PTPRK: variants seen among roughly 807,000 people sequenced by gnomAD.
The protein encoded by PTPRK is protein tyrosine phosphatase receptor type K.
A neutral mutation model predicts 178.0 loss-of-function variants in PTPRK; 75 were observed. The ratio of observed to expected loss-of-function variants is 0.42; its 90% CI spans 0.35 to 0.51. The LOEUF (loss-of-function observed/expected upper bound fraction) is 0.51. PTPRK is among the 20% of genes least tolerant of loss of function. The pLI, the probability that PTPRK is intolerant of heterozygous loss-of-function variation, is 0.02. For synonymous variants in PTPRK, 637 were observed against 620.6 expected (o/e 1.03, Z -0.39); for missense variants, 1,441 against 1,797.8 (o/e 0.80, Z 3.59).
intron 13 of PTPRK, among the ~76,000 whole-genome samples, chr6:128,061,161 A>G (rs1780733980): frequency 6.6e-6 from 1 of 152,150 alleles, no homozygotes; most frequent in South Asian, 2.1e-4. Flanking sequence ...TATGATACTA[A>G]CATGTAACAA....
chr6:128,307,403 A>G (rs1826570902), intron 3 of PTPRK, among the ~76,000 whole-genome samples: 1 of 150,952 alleles, frequency 6.6e-6, no homozygotes, highest in African/African-American at 2.4e-5. Flanking sequence ...ATAGAATTAA[A>G]TAACCTCAGT....
intron 6 of PTPRK, among the ~76,000 whole-genome samples, chr6:128,198,827 C>T (rs1212693564): frequency 6.6e-6 from 1 of 152,190 alleles, no homozygotes. Context: ...TCTTCACTTA[C>T]TGACTTTCTT....
intron 1 of PTPRK, among the ~76,000 whole-genome samples, chr6:128,471,962 A>C (rs1484472559): frequency 6.6e-6 from 1 of 152,096 alleles, no homozygotes; most frequent in Admixed American, 6.6e-5. Context: ...GAAAATAAGA[A>C]GACTGAAAAA....
At chr6:128,469,623 G>A (rs930141744) in intron 1 of PTPRK, among the ~76,000 whole-genome samples, 4 of 152,152 alleles carry the variant, frequency 2.6e-5, no homozygotes, top group African/African-American at 9.6e-5. Context: ...GTGGTAGGCT[G>A]AATAATGCGC....
chr6:128,391,336 C>G (rs1167205277), intron 2 of PTPRK, among the ~76,000 whole-genome samples: 1 of 152,112 alleles, frequency 6.6e-6, no homozygotes, highest in African/African-American at 2.4e-5. Flanking sequence ...CTTAGGACAA[C>G]TGCACATGTT....
intron 7 of PTPRK, among the ~76,000 whole-genome samples, chr6:128,092,878 A>G (rs1787224966): frequency 6.6e-6 from 1 of 152,214 alleles, no homozygotes; most frequent in South Asian, 2.1e-4. Context: ...ATTTAAAATC[A>G]AAATAATTAC....
At chr6:128,428,588 G>T (rs1844456618) in intron 1 of PTPRK, among the ~76,000 whole-genome samples, 1 of 152,198 alleles carries the variant, frequency 6.6e-6, no homozygotes, top group Non-Finnish European at 1.5e-5. Context: ...TCAATGTGAA[G>T]ATCTGTGGTA....
intron 6 of PTPRK, among the ~76,000 whole-genome samples, chr6:128,185,361 T>C (rs1052549643): frequency 6.6e-6 from 1 of 152,164 alleles, no homozygotes; most frequent in African/African-American, 2.4e-5. Flanking sequence ...TATAATTTAA[T>C]TTTGGATATC....
At chr6:128,334,448 A>C (rs1027894353) in intron 2 of PTPRK, among the ~76,000 whole-genome samples, 1 of 152,186 alleles carries the variant, frequency 6.6e-6, no homozygotes, top group African/African-American at 2.4e-5. Context: ...TAGTACAAGA[A>C]GTACATGAAG....
chr6:128,322,678 A>ATATATATATATATATATATATATATATG (rs1562282569), intron 2 of PTPRK, among the ~76,000 whole-genome samples: 3 of 151,452 alleles, frequency 2.0e-5, no homozygotes, highest in African/African-American at 7.3e-5. Flanking sequence ...ATATATATAT[A>ATATATATATATATATATATATATATATG]TATGTATACA....
intron 3 of PTPRK, among the ~76,000 whole-genome samples, chr6:128,255,524 T>C (rs987837836): frequency 7.9e-5 from 12 of 152,182 alleles, no homozygotes; most frequent in African/African-American, 2.9e-4. Context: ...CTCAAATGAT[T>C]TTAGATGTTG....
Position 128,020,657 on chromosome 6 carries a change from A to G in PTPRK, c.2195-11389T>C, listed in dbSNP as rs932166032. On this transcript the variant is annotated intron_variant, in intron 13 of 29. Coordinates refer to ENST00000368226, the MANE Select transcript of PTPRK (RefSeq NM_002844.4). ...GAACAAAATCACATTTGAATATTAGAGAAAGAAATAGAAAACAAATAAAAC... is the reference window on the plus strand; with the variant it reads ...GAACAAAATCACATTTGAATATTAGGGAAAGAAATAGAAAACAAATAAAAC... 2.0e-5 allele frequency among the ~76,000 whole-genome samples: 3 copies of G among 152,376 alleles called. No individual in the cohort carries two copies. In the East Asian group the frequency reaches 5.8e-4, roughly 29 times the overall value.
At chr6:128,469,966 GC>G (rs1052836300) in intron 1 of PTPRK, among the ~76,000 whole-genome samples, 2 of 152,110 alleles carry the variant, frequency 1.3e-5, no homozygotes, top group African/African-American at 4.8e-5. Context: ...CATTTTATGG[GC>G]CCAGTGAGAC....
At chr6:128,026,435 G>A (rs1300358463) in intron 13 of PTPRK, among the ~76,000 whole-genome samples, 1 of 152,148 alleles carries the variant, frequency 6.6e-6, no homozygotes, top group Non-Finnish European at 1.5e-5. Flanking sequence ...ATCACTCCAG[G>A]TACCAAGAAA....
At chr6:128,366,833 C>T (rs1220943657) in intron 2 of PTPRK, among the ~76,000 whole-genome samples, 1 of 152,138 alleles carries the variant, frequency 6.6e-6, no homozygotes, top group East Asian at 1.9e-4. Context: ...TGCTTTTAGA[C>T]TTAATGAGCA....
At chr6:128,308,450 C>T (rs17343887) in intron 3 of PTPRK, among the ~76,000 whole-genome samples, 12,364 of 151,184 alleles carry the variant, frequency 0.082, 574 homozygotes, top group African/African-American at 0.12. Context: ...ATTAAATACA[C>T]GAACTGCTTG....
At chr6:128,467,621 C>A (rs1850043700) in intron 1 of PTPRK, among the ~76,000 whole-genome samples, 1 of 152,344 alleles carries the variant, frequency 6.6e-6, no homozygotes, top group South Asian at 2.1e-4. Context: ...TACTTCTCTT[C>A]ATGTTCTTGG....
chr6:127,977,191 T>A, intron 25 of PTPRK, 137 bp from the exon 26 acceptor site: 1 of 821,690 alleles, frequency 1.2e-6, no homozygotes, highest in Non-Finnish European at 1.9e-6. Flanking sequence ...AGAGTGATGA[T>A]TAAACCATGG....
intron 19 of PTPRK, among the ~76,000 whole-genome samples, 183 bp from the exon 20 acceptor site, chr6:127,991,574 T>C (rs553477640): frequency 3.3e-4 from 44 of 135,302 alleles, no homozygotes; most frequent in African/African-American, 1.2e-3. Context: ...AACACAGGCA[T>C]ATACAAGTTT....
Sources: gnomAD v4.1 joint callset for allele counts (sites outside exome capture counted in the v4.1 genomes callset) on GRCh38, gnomAD v4.1.1 for gene constraint, MANE v1.5 for transcripts, NCBI Gene and HGNC (gene_info 2026-07-23, HGNC 2026-07-21) for gene names.